Variants in SAXO1 observed in about 807,000 individuals in gnomAD.
The protein encoded by SAXO1 is stabilizer of axonemal microtubules 1.
Under a neutral mutation model 17.5 loss-of-function variants are expected in SAXO1, and 21 were observed. The ratio of observed to expected loss-of-function variants is 1.20; its 90% CI spans 0.85 to 1.72. The LOEUF is 1.72. Among genes scored for constraint, SAXO1 ranks in the 40% most tolerant of loss-of-function variants. The pLI is 0.00. For missense variants in SAXO1, 843 were observed against 596.0 expected (o/e 1.41, Z -4.32); for synonymous variants, 274 against 216.5 (o/e 1.27, Z -2.33).
intron 1 of SAXO1, among the ~76,000 whole-genome samples, chr9:19,025,689 G>T (rs898616547): frequency 6.6e-6 from 1 of 152,114 alleles, no homozygotes; most frequent in African/African-American, 2.4e-5. Flanking sequence ...GGAATTTCCT[G>T]CAAGATTGCA....
chr9:19,012,933 C>G (rs991066923), intron 1 of SAXO1, among the ~76,000 whole-genome samples: 1 of 152,134 alleles, frequency 6.6e-6, no homozygotes. Flanking sequence ...CAAAAAGCAC[C>G]ATCAAGTAAT....
chr9:19,019,739 G>T lies in SAXO1; in HGVS notation c.38+13132C>A, dbSNP rs377597302. On this transcript the variant is annotated intron_variant, in intron 1 of 3. Coordinates refer to ENST00000380534, the MANE Select transcript of SAXO1 (RefSeq NM_153707.4). ...TGAGACACTGTCTCAAAAGAAAAAA[G>T]AAAGAAAGAAAAAGTAGTCTACTTC... Among the ~76,000 whole-genome samples the T allele has an allele frequency of 5.3e-5, 8 of 152,006 alleles. No individual in the cohort carries two copies. In the South Asian group the frequency reaches 1.7e-3, roughly 32 times the overall value.
intron 1 of SAXO1, among the ~76,000 whole-genome samples, chr9:18,999,258 C>T (rs1271003793): frequency 6.6e-6 from 1 of 152,158 alleles, no homozygotes; most frequent in Non-Finnish European, 1.5e-5. Flanking sequence ...GGGATGGAGC[C>T]GTCTGGGATC....
chr9:19,023,330 C>CT (rs1177639949), intron 1 of SAXO1, among the ~76,000 whole-genome samples: 4 of 152,074 alleles, frequency 2.6e-5, no homozygotes, highest in Non-Finnish European at 5.9e-5. Flanking sequence ...TAGAACAGAC[C>CT]TTTATGCTTA....
intron 1 of SAXO1, among the ~76,000 whole-genome samples, chr9:18,974,915 A>G (rs1024828243): frequency 1.2e-4 from 19 of 152,332 alleles, no homozygotes; most frequent in African/African-American, 4.6e-4. Flanking sequence ...GTATAATATC[A>G]GAATCTCCAT....
At chr9:18,931,340 G>A (rs1019767431) in intron 3 of SAXO1, among the ~76,000 whole-genome samples, 2 of 152,170 alleles carry the variant, frequency 1.3e-5, no homozygotes, top group South Asian at 4.1e-4. Flanking sequence ...AATGTAGCCT[G>A]TATCAGTAGT....
chr9:19,024,454 A>AG (rs1002309320), intron 1 of SAXO1, among the ~76,000 whole-genome samples: 1 of 143,720 alleles, frequency 7.0e-6, no homozygotes, highest in Non-Finnish European at 1.5e-5. Context: ...GGGTGGGGCG[A>AG]GGGGGGGAGG....
chr9:19,023,307 A>C (rs561837185), intron 1 of SAXO1, among the ~76,000 whole-genome samples: 3 of 152,050 alleles, frequency 2.0e-5, no homozygotes, highest in Non-Finnish European at 4.4e-5. Flanking sequence ...ACACTTCTTC[A>C]TTCTTCATTG....
Position 19,033,124 on chromosome 9 carries a change from C to G in SAXO1, c.-216G>C, listed in dbSNP as rs965126650. On this transcript the variant is annotated 5_prime_UTR_variant, in exon 1 of 4. Coordinates refer to ENST00000380534, the MANE Select transcript of SAXO1 (RefSeq NM_153707.4). ...GCGCGAGGTAGCAGCAGGGGGCTTG[C>G]ACGCGCGCCAGCCCGGGAGACCTCA... 3 of 491,834 alleles carry G rather than the reference C, an allele frequency of 6.1e-6. No individual in the cohort carries two copies. In the South Asian group the frequency reaches 1.1e-4, roughly 18 times the overall value. 30.5% of individuals were successfully genotyped at this position (491,834 alleles called of 1,614,324 possible).
At chr9:18,936,504 G>A (rs1458240320) in intron 3 of SAXO1, among the ~76,000 whole-genome samples, 2 of 152,084 alleles carry the variant, frequency 1.3e-5, no homozygotes, top group Non-Finnish European at 2.9e-5. Flanking sequence ...AACAAAACAG[G>A]TTTCTAAGCT....
chr9:18,968,556 G>A (rs370143820), intron 1 of SAXO1, among the ~76,000 whole-genome samples: 150 of 151,442 alleles, frequency 9.9e-4, no homozygotes, highest in African/African-American at 3.4e-3. Flanking sequence ...TTTTTGATGC[G>A]ATAGATAGTG....
chr9:19,007,396 T>C (rs1028115800), intron 1 of SAXO1, among the ~76,000 whole-genome samples: 1 of 152,204 alleles, frequency 6.6e-6, no homozygotes, highest in African/African-American at 2.4e-5. Context: ...TTAAGTTACA[T>C]ATTTTATCAC....
intron 1 of SAXO1, among the ~76,000 whole-genome samples, chr9:19,031,108 G>A (rs745810271): frequency 1.3e-5 from 2 of 152,232 alleles, no homozygotes; most frequent in African/African-American, 2.4e-5. Context: ...TACTGCAGGG[G>A]CAGGAGGGAG....
chr9:18,942,406 A>T (rs1052508983), intron 2 of SAXO1, among the ~76,000 whole-genome samples: 1 of 152,068 alleles, frequency 6.6e-6, no homozygotes, highest in African/African-American at 2.4e-5. Flanking sequence ...CACCGTTTCT[A>T]CTGCTGCGCT....
In SAXO1 at chr9:18,978,107, C is replaced by T. The variant is rs561694312; in HGVS notation, c.39-27170G>A. On this transcript the variant is annotated intron_variant, in intron 1 of 3. Transcript: ENST00000380534. ...TCACCATTCCCCTCATTGCCCCTAG[C>T]ACTCAAAAGCAGTGCCTGGTCATGG... 5.3e-5 allele frequency among the ~76,000 whole-genome samples: 8 copies of T among 151,846 alleles called. No individual in the cohort carries two copies. The East Asian group carries it at 1.2e-3, about 22-fold the overall frequency.
At chr9:18,986,409 G>C (rs964799004) in intron 1 of SAXO1, among the ~76,000 whole-genome samples, 1 of 152,074 alleles carries the variant, frequency 6.6e-6, no homozygotes, top group Non-Finnish European at 1.5e-5. Context: ...ATTTTAACAG[G>C]ATAACTGTAT....
intron 1 of SAXO1, among the ~76,000 whole-genome samples, chr9:19,000,176 C>G (rs1015007833): frequency 1.3e-5 from 2 of 150,924 alleles, no homozygotes; most frequent in African/African-American, 4.9e-5. Context: ...GGCCGCCACC[C>G]TGTCTGGGAA....
intron 1 of SAXO1, among the ~76,000 whole-genome samples, chr9:18,952,986 C>T (rs1832096955): frequency 6.6e-6 from 1 of 152,156 alleles, no homozygotes; most frequent in Non-Finnish European, 1.5e-5. Context: ...GACCCATCGC[C>T]CACAGCGGAT....
Position 18,928,343 on chromosome 9 carries a change from A to G in SAXO1, c.1134T>C (p.Tyr378=). Residue 378 remains tyrosine, a synonymous_variant, in exon 4 of 4, where the codon TAT becomes TAC. Transcript: ENST00000380534. ...TGGTATTGATAGGCAGGTGGGGCAC[A>G]TAGTGGGCCCGAGTGGTGGTCAGGC... ...LDCLTTTRAH[Y]VPHLPINTKS... 6.2e-7 allele frequency: 1 copy of G among 1,613,454 alleles called. No individual in the cohort carries two copies.
Sources: gnomAD v4.1 joint callset for allele counts (sites outside exome capture counted in the v4.1 genomes callset) on GRCh38, gnomAD v4.1.1 for gene constraint, MANE v1.5 for transcripts, NCBI Gene and HGNC (gene_info 2026-07-23, HGNC 2026-07-21) for gene names.